Variants in TRAK1 observed in about 807,000 individuals in gnomAD.
TRAK1 encodes trafficking kinesin-binding protein 1.
Under a neutral mutation model 92.1 loss-of-function variants are expected in TRAK1, and 33 were observed. The observed-to-expected ratio is 0.36, with a 90% CI of 0.27 to 0.48. The LOEUF is 0.48. Among genes scored for constraint, TRAK1 ranks in the 20% least tolerant of loss-of-function variants. The pLI, the probability that TRAK1 is intolerant of heterozygous loss-of-function variation, is 0.99. For missense variants in TRAK1, 1,123 were observed against 1,257.9 expected (o/e 0.89, Z 1.62); for synonymous variants, 521 against 517.3 (o/e 1.01, Z -0.10).
intron 1 of TRAK1, among the ~76,000 whole-genome samples, chr3:42,042,590 T>G (rs1281472219): frequency 6.6e-6 from 1 of 151,962 alleles, no homozygotes; most frequent in Non-Finnish European, 1.5e-5. Context: ...AGGTTGGTCT[T>G]GAACTCTTGG....
intron 1 of TRAK1, among the ~76,000 whole-genome samples, chr3:42,112,361 G>A (rs987789988): frequency 1.3e-5 from 2 of 150,286 alleles, no homozygotes; most frequent in Non-Finnish European, 1.5e-5. Context: ...CTGGGAGGTG[G>A]AGGTTGCAGT....
At position 42,219,105 on chromosome 3, in the gene TRAK1, T is replaced by C. The variant is rs1213017198; in HGVS notation, c.1964-389T>C. The C allele has an allele frequency of 6.1e-6, 6 of 985,222 alleles. No homozygotes were observed. In the East Asian group the frequency reaches 6.8e-4, roughly 112 times the overall value. The allele number at this position is 985,222 out of a possible 1,614,324, so 61.0% of individuals were successfully genotyped here. ...GCAGAGCTTTGGTAGCTGTTGCCAA[T>C]GCAAAGAAATGTAAAGCAGCAAAAG... On this transcript the variant is annotated intron_variant, in intron 14 of 15. Coordinates refer to ENST00000327628, the MANE Select transcript of TRAK1 (RefSeq NM_001042646.3).
intron 1 of TRAK1, among the ~76,000 whole-genome samples, chr3:42,124,197 G>C (rs1459304263): frequency 6.7e-6 from 1 of 150,334 alleles, no homozygotes; most frequent in African/African-American, 2.4e-5. Flanking sequence ...ATTTTTCTTT[G>C]TTGAAGAGTC....
chr3:42,105,956 G>A (rs898982883), intron 1 of TRAK1, among the ~76,000 whole-genome samples: 1 of 152,122 alleles, frequency 6.6e-6, no homozygotes, highest in African/African-American at 2.4e-5. Flanking sequence ...ATCCTCTACA[G>A]ACAAACAAAT....
chr3:42,200,865 T>C lies in TRAK1; in HGVS notation c.1238T>C (p.Val413Ala). 2 of 1,614,084 alleles carry C rather than the reference T, an allele frequency of 1.2e-6. No individual in the cohort carries two copies. Among genetic ancestry groups the C allele is most frequent in the South Asian group, 2.2e-5 (2 of 91,078 alleles). The change falls in exon 12 of 16, where the codon GTC becomes GCC. Residue 413 changes from valine to alanine, a missense_variant. Around this residue, in one of 3 missense-constraint regions of TRAK1, gnomAD observed 686 missense variants for 747.6 expected, o/e 0.92. Transcript: ENST00000327628. ...FETVRNINQVVKQRSLTPSPM... is the reference protein window; with the variant it reads ...FETVRNINQVAKQRSLTPSPM... The stretch of plus-strand genomic sequence containing the variant: ...ACAGTAAGAAACATCAACCAGGTTG[T>C]CAAGCAGAGATCTCTGACCCCTTCT...
chr3:42,051,264 G>A (rs931244690), intron 1 of TRAK1: 24 of 152,342 alleles, frequency 1.6e-4, no homozygotes, highest in African/African-American at 5.5e-4. Flanking sequence ...TGTGGCCCAG[G>A]GCATTGCCTC....
intron 1 of TRAK1, among the ~76,000 whole-genome samples, chr3:42,025,690 C>T (rs1484930013): frequency 4.7e-5 from 1 of 21,102 alleles, no homozygotes; most frequent in African/African-American, 2.0e-4. Flanking sequence ...TGGGGGAGGG[C>T]GGGGGCGGGG....
At chr3:42,195,627 C>T (rs968935849) in intron 10 of TRAK1, among the ~76,000 whole-genome samples, 4 of 152,114 alleles carry the variant, frequency 2.6e-5, no homozygotes, top group African/African-American at 9.7e-5. Flanking sequence ...TCTGGCCCAC[C>T]TTCCCTAAAT....
At chr3:42,218,356 A>C in intron 14 of TRAK1, 1 of 972,496 alleles carries the variant, frequency 1.0e-6, no homozygotes, top group South Asian at 4.8e-5. Flanking sequence ...TTGAATCTTC[A>C]TGGCCTTTGA....
At chr3:42,022,898 C>G (rs1429904085) in intron 1 of TRAK1, among the ~76,000 whole-genome samples, 1 of 151,862 alleles carries the variant, frequency 6.6e-6, no homozygotes, top group Non-Finnish European at 1.5e-5. Flanking sequence ...GTGGCTCACA[C>G]CTGTAATCCC....
At chr3:42,155,325 G>A (rs1228478871) in intron 2 of TRAK1, among the ~76,000 whole-genome samples, 7 of 152,190 alleles carry the variant, frequency 4.6e-5, no homozygotes, top group East Asian at 1.9e-4. Flanking sequence ...TACAGGAGAC[G>A]GAGACACCCT....
At chr3:42,041,429 A>G (rs1702535862) in intron 1 of TRAK1, among the ~76,000 whole-genome samples, 1 of 152,198 alleles carries the variant, frequency 6.6e-6, no homozygotes, top group Admixed American at 6.5e-5. Flanking sequence ...TTGCTAGTGT[A>G]TAAAAATACG....
intron 1 of TRAK1, among the ~76,000 whole-genome samples, chr3:42,048,670 T>C (rs1434116106): frequency 1.3e-5 from 2 of 151,110 alleles, no homozygotes; most frequent in Non-Finnish European, 2.9e-5. Flanking sequence ...CAAGGGATCC[T>C]CCCATCTCAG....
At chr3:42,025,186 A>G (rs1268056439) in intron 1 of TRAK1, among the ~76,000 whole-genome samples, 2 of 152,142 alleles carry the variant, frequency 1.3e-5, no homozygotes, top group Admixed American at 6.5e-5. Flanking sequence ...CCTCCTAGCA[A>G]TATGCCTTGG....
chr3:42,119,849 G>C (rs550922871), intron 1 of TRAK1, among the ~76,000 whole-genome samples: 267 of 152,282 alleles, frequency 1.8e-3, no homozygotes, highest in Non-Finnish European at 2.7e-3. Context: ...TTGCATACTG[G>C]GAAACACTCA....
chr3:42,091,605 G>A (rs755889403), intron 1 of TRAK1, 45 bp downstream of exon 1: 16 of 1,581,518 alleles, frequency 1.0e-5, no homozygotes, highest in Non-Finnish European at 1.2e-5. Context: ...TTTCTTTGTG[G>A]TGTGGTCGGA....
intron 1 of TRAK1, among the ~76,000 whole-genome samples, chr3:42,037,204 A>G (rs986891792): frequency 6.6e-5 from 10 of 152,344 alleles, no homozygotes; most frequent in African/African-American, 1.9e-4. Context: ...GTGTGATACC[A>G]TAGAAGCTGC....
At chr3:42,139,549 T>C (rs1673563883) in intron 2 of TRAK1, among the ~76,000 whole-genome samples, 1 of 152,144 alleles carries the variant, frequency 6.6e-6, no homozygotes, top group East Asian at 1.9e-4. Flanking sequence ...CAGTGTCTAG[T>C]GAGCACTGCA....
chr3:42,152,271 A>AG (rs1700046898), intron 2 of TRAK1, among the ~76,000 whole-genome samples: 1 of 152,178 alleles, frequency 6.6e-6, no homozygotes, highest in South Asian at 2.1e-4. Context: ...AAGACATGGG[A>AG]GGGGTTGATT....
Sources: allele counts gnomAD v4.1 joint callset (sites outside exome capture counted in the v4.1 genomes callset), GRCh38; gene constraint gnomAD v4.1.1; regional missense constraint gnomAD v4.1.1; transcripts MANE v1.5; gene names NCBI Gene and HGNC (gene_info 2026-07-23, HGNC 2026-07-21).